The following CFAP47 variants were observed in gnomAD, a reference collection of about 807,000 sequenced individuals.
CFAP47 encodes the protein cilia- and flagella-associated protein 47.
Under a neutral mutation model 148.1 loss-of-function variants are expected in CFAP47, and 29 were observed. That is an observed-to-expected ratio of 0.20 (90% CI 0.15 to 0.27). The LOEUF (loss-of-function observed/expected upper bound fraction) is 0.27, where lower values mean the gene tolerates loss of function less well. Among genes scored for constraint, CFAP47 ranks in the 10% least tolerant of loss-of-function variants. The probability of loss-of-function intolerance (pLI) is 1.00; values close to 1 mark genes in which losing one functional copy is unlikely to be tolerated. For synonymous variants in CFAP47, 664 were observed against 577.3 expected (o/e 1.15, Z -2.15); for missense variants, 1,872 against 1,697.5 (o/e 1.10, Z -1.81).
At chrX:36,052,572 A>T (rs1051056817) in intron 26 of CFAP47, among the ~76,000 whole-genome samples, 1 of 112,167 alleles carries the variant, frequency 8.9e-6, no homozygotes, top group Non-Finnish European at 1.9e-5. Flanking sequence ...TGAGAAATAT[A>T]TTTTTAAATA....
In CFAP47 at chrX:36,104,487, T is replaced by G. The variant is rs1449993605; in HGVS notation, c.5128-12T>G. 9 of 682,777 alleles carry G rather than the reference T, an allele frequency of 1.3e-5. No individual in the cohort carries two copies. The highest frequency in any genetic ancestry group is 1.9e-5 in the Non-Finnish European group (9 of 485,345). The allele number at this position is 682,777 out of a possible 1,213,427, so 56.3% of individuals were successfully genotyped here. A position where few individuals can be genotyped will look rare whatever the true frequency, so the allele number is the denominator to read the frequency against. ...ATTTGCATCTAATAAAAGTTATCTC[T>G]CCCAATTTCAGGTTTTGGTTCTATC... On this transcript the variant is annotated splice_polypyrimidine_tract_variant and intron_variant, in intron 32 of 63. Coordinates refer to ENST00000378653, the MANE Select transcript of CFAP47 (RefSeq NM_001304548.2).
At chrX:36,263,592 C>T (rs1411442378) in intron 49 of CFAP47, among the ~76,000 whole-genome samples, 2 of 111,959 alleles carry the variant, frequency 1.8e-5, no homozygotes, top group Non-Finnish European at 3.8e-5. Flanking sequence ...GGAATACTGC[C>T]AAATGACAGC....
At chrX:36,261,533 T>A (rs62590738) in intron 49 of CFAP47, among the ~76,000 whole-genome samples, 1 of 102,395 alleles carries the variant, frequency 9.8e-6, no homozygotes, top group African/African-American at 3.8e-5. Context: ...TGACTCTTAA[T>A]GAGCATGCTG....
intron 8 of CFAP47, 152 bp from the exon 9 acceptor site, chrX:35,966,413 T>C (rs1323300529): frequency 7.4e-6 from 2 of 271,720 alleles, no homozygotes; most frequent in East Asian, 1.1e-4. Context: ...ATTTTAAAAG[T>C]TTGTCAGTGC....
chrX:36,184,411 G>A (rs1278285567), intron 40 of CFAP47, among the ~76,000 whole-genome samples: 1 of 110,879 alleles, frequency 9.0e-6, no homozygotes, highest in East Asian at 2.9e-4. Context: ...GGCCAATATA[G>A]AAGCATAGGA....
chrX:36,095,196 A>G (rs1317431276), intron 30 of CFAP47, among the ~76,000 whole-genome samples: 3 of 111,605 alleles, frequency 2.7e-5, no homozygotes, highest in African/African-American at 9.7e-5. Flanking sequence ...TATGACATAC[A>G]TTGCATACAT....
Position 36,247,700 on chromosome X carries a change from GAC to G in CFAP47, c.7333-3629_7333-3628del, listed in dbSNP as rs201506575. On this transcript the variant is annotated intron_variant, in intron 48 of 63. Coordinates refer to ENST00000378653, the MANE Select transcript of CFAP47 (RefSeq NM_001304548.2). Reference sequence around the variant, plus strand: ...AAAATATACGAAAAGGAATTTAAGTGACACATTAGAAAATATTTTACTCAAAA... The same window carrying G: ...AAAATATACGAAAAGGAATTTAAGTGACATTAGAAAATATTTTACTCAAAA... Among the ~76,000 whole-genome samples the G allele has an allele frequency of 2.1e-3, 228 of 110,787 alleles. 1 individual carries two copies. Among genetic ancestry groups the G allele is most frequent in the African/African-American group, 7.0e-3 (215 of 30,611 alleles).
At chrX:36,054,607 C>T (rs1937539143) in intron 26 of CFAP47, among the ~76,000 whole-genome samples, 1 of 110,520 alleles carries the variant, frequency 9.0e-6, no homozygotes, top group Admixed American at 9.7e-5. Flanking sequence ...TTATCCTGAA[C>T]ATTTTTAGTT....
chrX:36,269,719 G>A (rs1282988913), intron 49 of CFAP47, among the ~76,000 whole-genome samples: 1 of 111,750 alleles, frequency 8.9e-6, no homozygotes, highest in African/African-American at 3.2e-5. Flanking sequence ...AAATTTTAAC[G>A]CATGTATACG....
intron 45 of CFAP47, among the ~76,000 whole-genome samples, chrX:36,213,685 A>G: frequency 8.9e-6 from 1 of 112,141 alleles, no homozygotes; most frequent in African/African-American, 3.2e-5. Context: ...CTACTAAGTA[A>G]TTAGAGTAAG....
In CFAP47 at chrX:36,028,396, C is replaced by T. The variant is rs777877034; in HGVS notation, c.3557-2857C>T. ...AATTTTAGGATTGTTTTTTCTAATT[C>T]TGCGAAAAATGACATTGGTACTTTG... On this transcript the variant is annotated intron_variant, in intron 22 of 63. Transcript: ENST00000378653. Among the ~76,000 whole-genome samples the T allele has an allele frequency of 7.2e-5, 8 of 110,790 alleles. No individual in the cohort carries two copies. In the East Asian group the frequency reaches 2.3e-3, roughly 31 times the overall value.
In CFAP47 at chrX:36,361,401, T is replaced by C. The variant is rs1941827364; in HGVS notation, c.8923T>C (p.Ser2975Pro). 9.0e-7 allele frequency: 1 copy of C among 1,111,035 alleles called. No homozygotes were observed. 91.6% of individuals were successfully genotyped at this position (1,111,035 alleles called of 1,213,427 possible). The change falls in exon 61 of 64, where the codon TCC (serine) becomes CCC (proline). Residue 2975 changes from serine (S) to proline (P), a missense_variant. By Grantham distance (74) the Ser-to-Pro change is moderately conservative. Coordinates refer to ENST00000378653, the MANE Select transcript of CFAP47 (RefSeq NM_001304548.2). ...ESEAMKSKLE[S>P]CVALYMIEKS... is the part of the protein sequence containing the mutation. ...TGAAGCTATGAAGTCTAAGTTGGAATCCTGTGTAGCTTTATATATGATTGA... is the reference window on the plus strand; with the variant it reads ...TGAAGCTATGAAGTCTAAGTTGGAACCCTGTGTAGCTTTATATATGATTGA...
chrX:36,077,087 G>A (rs1446694392), intron 29 of CFAP47, among the ~76,000 whole-genome samples: 4 of 104,047 alleles, frequency 3.8e-5, no homozygotes, highest in East Asian at 6.1e-4. Flanking sequence ...ATTCTGTTCC[G>A]TTGGTCTTTG....
At position 36,259,285 on chromosome X, in the gene CFAP47, G is replaced by A. The variant is rs782195805; in HGVS notation, c.7444+7841G>A. ...TGTAGCAAGTGCTAGAAAAAAATCT[G>A]TGTGAGAAACTGGCTTAGGGCATGC... On this transcript the variant is annotated intron_variant, in intron 49 of 63. Transcript: ENST00000378653. Among the ~76,000 whole-genome samples the A allele has an allele frequency of 1.7e-4, 19 of 111,164 alleles. No individual in the cohort carries two copies. In the South Asian group the frequency reaches 7.1e-3, roughly 42 times the overall value.
rs147274342 is a variant in CFAP47, at chrX:35,970,827, C to G, written c.1874C>G (p.Thr625Arg). 106 of 1,188,209 alleles carry G rather than the reference C, an allele frequency of 8.9e-5. No individual in the cohort carries two copies. The highest frequency in any genetic ancestry group is 1.2e-4 in the Non-Finnish European group (104 of 881,307). Residue 625 changes from threonine to arginine, a missense_variant, in exon 11 of 64, where the codon ACA (threonine) becomes AGA (arginine). Physicochemically the swap from Thr to Arg is moderately conservative, Grantham distance 71. Coordinates refer to ENST00000378653, the MANE Select transcript of CFAP47 (RefSeq NM_001304548.2). Reference protein sequence around the residue: ...NYVNHDFAYTTFEKQQKKLHE... With the variant: ...NYVNHDFAYTRFEKQQKKLHE... Reference sequence around the variant, plus strand: ...GTGAATCATGATTTTGCATATACTACATTTGAAAAACAGCAAAAGAAATTA... The same window carrying G: ...GTGAATCATGATTTTGCATATACTAGATTTGAAAAACAGCAAAAGAAATTA...
At chrX:36,253,593 C>G (rs1418532360) in intron 49 of CFAP47, among the ~76,000 whole-genome samples, 2 of 111,117 alleles carry the variant, frequency 1.8e-5, no homozygotes, top group African/African-American at 6.6e-5. Context: ...GTATCAGATA[C>G]TTTTTTAAAA....
At chrX:36,167,124 G>A in intron 39 of CFAP47, among the ~76,000 whole-genome samples, 1 of 111,725 alleles carries the variant, frequency 9.0e-6, no homozygotes. Context: ...AAACTAACAG[G>A]CCTGTAGTTT....
In CFAP47 at chrX:35,989,338, C is replaced by T; in HGVS notation, c.2733C>T (p.Ser911=). The change falls in exon 16 of 64, where the codon TCC becomes TCT. Residue 911 remains serine (S), a synonymous_variant. Transcript: ENST00000378653. ...CCGTAGGCACTGTTGAAGCATATTC[C>T]TCACTGGAATGTGAAGTAACTTGGC... ...CPAKGTVEAY[S]SLECEVTWQQ... is the part of the protein sequence containing the mutation. The T allele has an allele frequency of 8.3e-7, 1 of 1,206,827 alleles. No homozygotes were observed. The highest frequency in any genetic ancestry group is 1.1e-6 in the Non-Finnish European group (1 of 891,106).
chrX:35,966,227 A>G (rs183938785), intron 8 of CFAP47, among the ~76,000 whole-genome samples: 8,680 of 98,184 alleles, frequency 0.088, 1,858 homozygotes, highest in African/African-American at 0.4. Context: ...ATATTTAAGA[A>G]ATATTAGCTG....
Sources: allele counts gnomAD v4.1 joint callset (sites outside exome capture counted in the v4.1 genomes callset), GRCh38; gene constraint gnomAD v4.1.1; transcripts MANE v1.5; gene names NCBI Gene and HGNC (gene_info 2026-07-23, HGNC 2026-07-21).